Variants in SUMF1 observed in about 807,000 individuals in gnomAD.
The protein encoded by SUMF1 is sulfatase modifying factor 1.
A neutral mutation model predicts 47.6 loss-of-function variants in SUMF1; 48 were observed. The observed-to-expected ratio is 1.01, with a 90% CI of 0.80 to 1.28. The LOEUF is 1.28. SUMF1 is among the 50% of genes most tolerant of loss of function. The pLI is 0.00. For synonymous variants in SUMF1, 230 were observed against 192.1 expected (o/e 1.20, Z -1.63); for missense variants, 571 against 485.4 (o/e 1.18, Z -1.66).
At chr3:4,434,197 T>C (rs1471761629) in intron 3 of SUMF1, among the ~76,000 whole-genome samples, 1 of 152,080 alleles carries the variant, frequency 6.6e-6, no homozygotes, top group East Asian at 1.9e-4. Context: ...TGCATAATGT[T>C]GATGGTTGTA....
At chr3:4,175,240 C>T (rs1278272980) in intron 8 of SUMF1, among the ~76,000 whole-genome samples, 1 of 152,144 alleles carries the variant, frequency 6.6e-6, no homozygotes, top group Non-Finnish European at 1.5e-5. Context: ...CAAGTGGGCC[C>T]CTGACCCCCG....
At chr3:4,452,027 A>C (rs1702990267) in intron 2 of SUMF1, among the ~76,000 whole-genome samples, 2 of 152,194 alleles carry the variant, frequency 1.3e-5, no homozygotes. Flanking sequence ...AAAATTCCAA[A>C]GAAATGTGAC....
intron 9 of SUMF1, among the ~76,000 whole-genome samples, chr3:4,044,396 A>G (rs1694969004): frequency 1.3e-5 from 2 of 152,222 alleles, no homozygotes; most frequent in African/African-American, 4.8e-5. Context: ...TGAAGTGCTG[A>G]CAATAATTAC....
chr3:4,187,287 T>G (rs1475704122), intron 8 of SUMF1, among the ~76,000 whole-genome samples: 1 of 152,176 alleles, frequency 6.6e-6, no homozygotes, highest in Non-Finnish European at 1.5e-5. Context: ...GAGGACTGCT[T>G]GAGCACAGGA....
At chr3:4,209,947 T>G (rs1695743787) in intron 8 of SUMF1, among the ~76,000 whole-genome samples, 1 of 152,082 alleles carries the variant, frequency 6.6e-6, no homozygotes, top group African/African-American at 2.4e-5. Context: ...CAGGCTGGAG[T>G]GCAGTGGCAC....
In SUMF1 at chr3:4,094,430, T is replaced by C. The variant is rs571742704; in HGVS notation, c.1015-25685A>G. On this transcript the variant is annotated intron_variant and NMD_transcript_variant, in intron 8 of 12. Transcript: ENST00000448413. ...AAGACAAGGTAGTAAATGATATAAT[T>C]ACCAAAAGAAGGATATCAGTGTAGT... Among the ~76,000 whole-genome samples the C allele has an allele frequency of 9.9e-5, 15 of 152,156 alleles. 1 individual carries two copies. Among genetic ancestry groups the C allele is most frequent in the Admixed American group, 2.0e-4 (3 of 15,272 alleles).
At chr3:4,292,796 C>T (rs1697765844) in intron 8 of SUMF1, among the ~76,000 whole-genome samples, 3 of 152,054 alleles carry the variant, frequency 2.0e-5, no homozygotes, top group African/African-American at 7.2e-5. Context: ...CAACTAAAAA[C>T]AAAAATGCTC....
At chr3:4,267,222 G>C (rs553855789) in intron 8 of SUMF1, among the ~76,000 whole-genome samples, 6,779 of 152,160 alleles carry the variant, frequency 0.045, 476 homozygotes, top group African/African-American at 0.15. Flanking sequence ...TTTGGTATCA[G>C]AATGATGCTG....
chr3:4,397,881 C>T (rs745865016), intron 7 of SUMF1, among the ~76,000 whole-genome samples: 3 of 152,082 alleles, frequency 2.0e-5, no homozygotes, highest in Non-Finnish European at 4.4e-5. Context: ...ACACGTAAAA[C>T]ATAATACTCA....
chr3:4,456,860 A>ACGTGTATATATATACG (rs2079646211), intron 1 of SUMF1, among the ~76,000 whole-genome samples: 25 of 75,080 alleles, frequency 3.3e-4, no homozygotes, highest in African/African-American at 1.2e-3. Flanking sequence ...GTGTATATAT[A>ACGTGTATATATATACG]TGTGTGTGTA....
At chr3:4,178,674 T>A (rs770879253) in intron 8 of SUMF1, among the ~76,000 whole-genome samples, 1 of 152,122 alleles carries the variant, frequency 6.6e-6, no homozygotes, top group South Asian at 2.1e-4. Context: ...CAACATAGTG[T>A]TGGAAGTTCT....
At chr3:4,381,627 C>G (rs1700507307) in intron 7 of SUMF1, among the ~76,000 whole-genome samples, 1 of 152,230 alleles carries the variant, frequency 6.6e-6, no homozygotes, top group Non-Finnish European at 1.5e-5. Flanking sequence ...ATAACAGCAT[C>G]AAGCATTTAT....
At chr3:4,310,076 G>A (rs1221202230) in intron 8 of SUMF1, among the ~76,000 whole-genome samples, 1 of 152,176 alleles carries the variant, frequency 6.6e-6, no homozygotes, top group Non-Finnish European at 1.5e-5. Context: ...ACGCAGTGGT[G>A]TTTGTGTATC....
rs144078689 is a variant in SUMF1 at position 4,200,545 on chromosome 3, C to T, written c.1015-131800G>A. 1.2e-3 allele frequency among the ~76,000 whole-genome samples: 189 copies of T among 152,188 alleles called. 1 individual carries two copies. The highest frequency in any genetic ancestry group is 3.8e-3 in the African/African-American group (159 of 41,542). ...AGCTCTCTGGGTTCTAAGGTTTTCACGCTCAAACTTAGAGTTACACCATGA... is the reference window on the plus strand; with the variant it reads ...AGCTCTCTGGGTTCTAAGGTTTTCATGCTCAAACTTAGAGTTACACCATGA... On this transcript the variant is annotated intron_variant and NMD_transcript_variant, in intron 8 of 12. Coordinates refer to the SUMF1 transcript ENST00000448413.
intron 8 of SUMF1, among the ~76,000 whole-genome samples, chr3:4,306,732 C>T (rs930177324): frequency 6.6e-6 from 1 of 152,234 alleles, no homozygotes; most frequent in African/African-American, 2.4e-5. Context: ...TTGCTCCAAA[C>T]CCTGCCTTCA....
chr3:4,357,576 C>CTTTT (rs1448422303), downstream of SUMF1, among the ~76,000 whole-genome samples: 9 of 117,960 alleles, frequency 7.6e-5, no homozygotes, highest in African/African-American at 2.2e-4. Context: ...CCCCAACCAA[C>CTTTT]TTTTATTTAT....
chr3:4,301,256 C>A (rs1163224811), intron 8 of SUMF1, among the ~76,000 whole-genome samples: 3 of 152,026 alleles, frequency 2.0e-5, no homozygotes, highest in African/African-American at 7.2e-5. Flanking sequence ...GCCCAGAGGC[C>A]CAAGTAGAAT....
At chr3:4,446,724 G>A (rs75690175) in intron 3 of SUMF1, among the ~76,000 whole-genome samples, 1,745 of 152,282 alleles carry the variant, frequency 0.011, 35 homozygotes, top group African/African-American at 0.041. Context: ...ACAGAGGACA[G>A]AGAGAACAGA....
intron 7 of SUMF1, among the ~76,000 whole-genome samples, chr3:4,393,650 TTTATTA>T (rs959027738): frequency 8.6e-5 from 13 of 151,528 alleles, no homozygotes; most frequent in Admixed American, 2.0e-4. Flanking sequence ...TATTTATTTA[TTTATTA>T]TTATTATTAT....
Sources: gnomAD v4.1 joint callset for allele counts (sites outside exome capture counted in the v4.1 genomes callset) on GRCh38, gnomAD v4.1.1 for gene constraint, MANE v1.5 for transcripts, NCBI Gene and HGNC (gene_info 2026-07-23, HGNC 2026-07-21) for gene names.